The following WDR62 variants were observed in gnomAD, a reference collection of about 807,000 sequenced individuals.
The protein encoded by WDR62 is WD repeat domain 62, also known as WD repeat-containing protein 62.
WDR62 carries 112 observed loss-of-function variants against 160.6 expected under a neutral mutation model. The observed-to-expected ratio is 0.70, with a 90% confidence interval of 0.60 to 0.82. The LOEUF (loss-of-function observed/expected upper bound fraction) is 0.82. WDR62 is among the 40% of genes least tolerant of loss of function. The probability of loss-of-function intolerance (pLI) is 0.00; values close to 1 mark genes in which losing one functional copy is unlikely to be tolerated. For synonymous variants in WDR62, 792 were observed against 815.1 expected (o/e 0.97, Z 0.48); for missense variants, 1,819 against 1,983.8 (o/e 0.92, Z 1.58).
At chr19:36,064,342 C>A (rs1201390835) in intron 3 of WDR62, among the ~76,000 whole-genome samples, 1 of 152,108 alleles carries the variant, frequency 6.6e-6, no homozygotes, top group African/African-American at 2.4e-5. Context: ...GTGGCGCGAT[C>A]TTGGCTCACT....
downstream of WDR62, among the ~76,000 whole-genome samples, chr19:36,108,400 T>C (rs1410492354): frequency 2.0e-5 from 3 of 150,416 alleles, no homozygotes; most frequent in South Asian, 2.2e-4. Flanking sequence ...GGCCTCCCCA[T>C]AGCAGTACCA....
chr19:36,066,634 T>A (rs191209671), intron 5 of WDR62, among the ~76,000 whole-genome samples: 4 of 152,378 alleles, frequency 2.6e-5, no homozygotes, highest in Admixed American at 1.3e-4. Flanking sequence ...ATTTTTATAT[T>A]GACCAGCTGT....
chr19:36,071,493 C>T, intron 7 of WDR62, 63 bp from the exon 8 acceptor site: 2 of 1,605,704 alleles, frequency 1.2e-6, no homozygotes, highest in Non-Finnish European at 1.7e-6. Context: ...CTGTCAGTCC[C>T]CATATCCCCG....
At position 36,103,702 on chromosome 19, in the gene WDR62, G is replaced by A. The variant is rs1447628516; in HGVS notation, c.3874G>A (p.Glu1292Lys). ...EPALRSWGNHEARANLRLTLS... is the reference protein window; with the variant it reads ...EPALRSWGNHKARANLRLTLS... ...TGCCCTGCGTTCCTGGGGCAACCAC[G>A]AGGCCCGGGCCAACCTGAGACTGAC... Residue 1292 changes from glutamate (E) to lysine (K), a missense_variant, in exon 30 of 32, where the codon GAG becomes AAG. Glu to Lys is a moderately conservative substitution (Grantham distance 56). This residue lies in a region of WDR62 where 770 missense variants were observed against 734.2 expected (regional missense o/e 1.05). Transcript: ENST00000401500. 27 of 1,610,440 alleles carry A rather than the reference G, an allele frequency of 1.7e-5. No homozygotes were observed. The highest frequency in any genetic ancestry group is 2.0e-5 in the Non-Finnish European group (24 of 1,180,000).
rs116050630 is a variant in WDR62, at chr19:36,073,542, C to G, written c.1233+11C>G. 52 of 1,331,000 alleles carry G rather than the reference C, an allele frequency of 3.9e-5. No individual in the cohort carries two copies. The East Asian group carries it at 8.6e-4, about 22-fold the overall frequency. 82.4% of individuals were successfully genotyped at this position (1,331,000 alleles called of 1,614,324 possible). A position where few individuals can be genotyped will look rare whatever the true frequency, so the allele number is the denominator to read the frequency against. On this transcript the variant is annotated intron_variant, in intron 9 of 31. Transcript: ENST00000401500. ...GTTTGGAACGTGGAGGTGAGCCCCCCCCCCACCCCCTTGCCCCTGCTTGGC... is the reference window on the plus strand; with the variant it reads ...GTTTGGAACGTGGAGGTGAGCCCCCGCCCCACCCCCTTGCCCCTGCTTGGC...
intron 12 of WDR62, among the ~76,000 whole-genome samples, chr19:36,085,491 G>T (rs981108816): frequency 7.0e-6 from 1 of 143,186 alleles, no homozygotes; most frequent in Non-Finnish European, 1.5e-5. Flanking sequence ...CGCGATCTCA[G>T]TTCACTGCAA....
In WDR62 at chr19:36,059,822, G is replaced by A. The variant is rs1014651211; in HGVS notation, c.270-146G>A. ...GTTAAAGTGCCCTAGAATTCTCAGC[G>A]TAAACACCTGGAGGAGGGGGAGGAG... On this transcript the variant is annotated intron_variant, in intron 2 of 31. Coordinates refer to ENST00000401500, the MANE Select transcript of WDR62 (RefSeq NM_001083961.2). 14 of 818,160 alleles carry A rather than the reference G, an allele frequency of 1.7e-5. 1 individual carries two copies. The highest frequency in any genetic ancestry group is 2.6e-4 in the Middle Eastern group (1 of 3,876). The allele number at this position is 818,160 out of a possible 1,614,324, so 50.7% of individuals were successfully genotyped here.
At chr19:36,084,909 G>T (rs1972120659) in intron 12 of WDR62, among the ~76,000 whole-genome samples, 165 bp downstream of exon 12, 1 of 152,106 alleles carries the variant, frequency 6.6e-6, no homozygotes, top group Non-Finnish European at 1.5e-5. Flanking sequence ...GAGTGGCTGG[G>T]ACTTCAGAAA....
At chr19:36,064,730 A>G (rs1970844573) in intron 3 of WDR62, among the ~76,000 whole-genome samples, 1 of 152,036 alleles carries the variant, frequency 6.6e-6, no homozygotes, top group South Asian at 2.1e-4. Context: ...GGCTCCTGCC[A>G]CCACACCTGG....
intron 22 of WDR62, among the ~76,000 whole-genome samples, chr19:36,099,827 G>T (rs115972873): frequency 6.6e-6 from 1 of 152,238 alleles, no homozygotes; most frequent in Non-Finnish European, 1.5e-5. Context: ...GGGGTTAAGA[G>T]CTTGGATGCT....
chr19:36,086,249 A>G (rs1408007321), intron 12 of WDR62, among the ~76,000 whole-genome samples: 1 of 151,910 alleles, frequency 6.6e-6, no homozygotes, highest in Non-Finnish European at 1.5e-5. Context: ...CTGGTGGCAG[A>G]TGGGAGTCTG....
intron 10 of WDR62, 136 bp downstream of exon 10, chr19:36,081,706 G>T: frequency 9.0e-7 from 1 of 1,114,290 alleles, no homozygotes; most frequent in Non-Finnish European, 1.3e-6. Context: ...ACCAAGGCAG[G>T]TCCCTCTCTG....
intron 19 of WDR62, among the ~76,000 whole-genome samples, chr19:36,093,072 A>G (rs1250870241): frequency 1.3e-5 from 2 of 152,210 alleles, no homozygotes; most frequent in African/African-American, 2.4e-5. Flanking sequence ...CCTGGGCCCA[A>G]GTGATCCTCC....
rs748932648 is a variant in WDR62, at chr19:36,102,122, T to C, written c.3191T>C (p.Phe1064Ser). 1 of 1,614,078 alleles carries C rather than the reference T, an allele frequency of 6.2e-7. No individual in the cohort carries two copies. The highest frequency in any genetic ancestry group is 8.5e-7 in the Non-Finnish European group (1 of 1,180,026). Residue 1064 changes from phenylalanine to serine, a missense_variant, in exon 26 of 32, where the codon TTT becomes TCT. By Grantham distance (155) the Phe-to-Ser change is radical (BLOSUM62 -2). Transcript: ENST00000401500. ...CAGGAGAAGTTCCTCCGCCACCACT[T>C]TGAGACACTGACTGAGTCCCCCTGC... ...PEQEKFLRHH[F>S]ETLTESPCRE...
At chr19:36,091,138 C>T in intron 16 of WDR62, 62 bp from the exon 17 acceptor site, 1 of 1,456,956 alleles carries the variant, frequency 6.9e-7, no homozygotes, top group South Asian at 1.2e-5. Flanking sequence ...GGGAGGGGCC[C>T]AGGCCTCATC....
At chr19:36,105,504 A>C (rs1004213747), downstream of WDR62, among the ~76,000 whole-genome samples, 4 of 151,602 alleles carry the variant, frequency 2.6e-5, no homozygotes, top group African/African-American at 4.8e-5. Flanking sequence ...CACAAAGTCC[A>C]CGGTGGTGGT....
chr19:36,099,740 G>A, intron 22 of WDR62, 123 bp downstream of exon 22: 1 of 985,876 alleles, frequency 1.0e-6, no homozygotes, highest in South Asian at 1.4e-5. Context: ...GTGAAGGGCA[G>A]GAGGGTGAGC....
At chr19:36,063,273 G>A (rs760755552) in intron 3 of WDR62, among the ~76,000 whole-genome samples, 13 of 148,838 alleles carry the variant, frequency 8.7e-5, no homozygotes, top group Non-Finnish European at 1.6e-4. Flanking sequence ...TTTTTGAGAC[G>A]AAGTCTCACA....
At position 36,073,536 on chromosome 19, in the gene WDR62, GC is replaced by G. The variant is rs373693641; in HGVS notation, c.1233+15del. The G allele has an allele frequency of 7.2e-3, 9,104 of 1,270,004 alleles. 22 individuals are homozygous for G. The highest frequency in any genetic ancestry group is 0.019 in the African/African-American group (1,239 of 66,458). The allele number at this position is 1,270,004 out of a possible 1,614,324, so 78.7% of individuals were successfully genotyped here. ...TCCTACGTTTGGAACGTGGAGGTGA[GC>G]CCCCCCCCCACCCCCTTGCCCCTGC... On this transcript the variant is annotated splice_donor_region_variant and intron_variant, in intron 9 of 31. Coordinates refer to ENST00000401500, the MANE Select transcript of WDR62 (RefSeq NM_001083961.2).
Sources: gnomAD v4.1 joint callset for allele counts (sites outside exome capture counted in the v4.1 genomes callset) on GRCh38, gnomAD v4.1.1 for gene constraint, gnomAD v4.1.1 regional missense constraint, MANE v1.5 for transcripts, NCBI Gene and HGNC (gene_info 2026-07-23, HGNC 2026-07-21) for gene names.